The following COBL variants were observed in gnomAD, a reference collection of about 807,000 sequenced individuals.
COBL encodes protein cordon-bleu.
COBL carries 51 observed loss-of-function variants against 98.8 expected under a neutral mutation model. That is an observed-to-expected ratio of 0.52 (90% CI 0.41 to 0.65). COBL has a LOEUF of 0.65. Ranked by LOEUF, COBL falls within the 30% of genes least tolerant of loss-of-function variation. The pLI is 0.00. For missense variants in COBL, 1,617 were observed against 1,617.5 expected (o/e 1.00, Z 0.01); for synonymous variants, 634 against 651.7 (o/e 0.97, Z 0.41).
At chr7:51,137,826 T>C (rs1703546441) in intron 5 of COBL, among the ~76,000 whole-genome samples, 1 of 152,222 alleles carries the variant, frequency 6.6e-6, no homozygotes, top group Non-Finnish European at 1.5e-5. Flanking sequence ...GATGACCCTC[T>C]GGGTCACTAT....
chr7:51,040,679 T>C (rs559672732), intron 8 of COBL, among the ~76,000 whole-genome samples: 5 of 152,322 alleles, frequency 3.3e-5, no homozygotes, highest in Admixed American at 1.3e-4. Context: ...GATTCCATTG[T>C]AGGTCTATCA....
At chr7:51,160,407 T>C (rs1786674548) in intron 5 of COBL, among the ~76,000 whole-genome samples, 1 of 152,196 alleles carries the variant, frequency 6.6e-6, no homozygotes, top group Non-Finnish European at 1.5e-5. Flanking sequence ...CATAAAGTTG[T>C]CATATCCTTT....
intron 6 of COBL, among the ~76,000 whole-genome samples, chr7:51,133,757 G>A (rs1447758648): frequency 6.6e-6 from 1 of 152,126 alleles, no homozygotes; most frequent in Non-Finnish European, 1.5e-5. Context: ...TAACACCTCT[G>A]GGAAAACCTC....
chr7:51,142,973 G>T (rs1350609607), intron 5 of COBL, among the ~76,000 whole-genome samples: 1 of 152,156 alleles, frequency 6.6e-6, no homozygotes, highest in Non-Finnish European at 1.5e-5. Context: ...GCCAAGCCAG[G>T]GGGAGGGAGA....
intron 1 of COBL, among the ~76,000 whole-genome samples, chr7:51,274,053 T>C (rs1189599668): frequency 1.3e-5 from 2 of 152,062 alleles, no homozygotes; most frequent in Non-Finnish European, 2.9e-5. Flanking sequence ...CATCGTAGCC[T>C]CGAATACCAC....
intron 8 of COBL, chr7:51,032,669 T>C (rs904049698): frequency 6.6e-6 from 1 of 152,216 alleles, no homozygotes; most frequent in African/African-American, 2.4e-5. Context: ...GTTGGAGATG[T>C]GTGTGCATGT....
chr7:51,293,932 T>C (rs986715185), intron 1 of COBL, among the ~76,000 whole-genome samples: 1 of 152,078 alleles, frequency 6.6e-6, no homozygotes, highest in African/African-American at 2.4e-5. Context: ...TCATGCACAG[T>C]GCTCCCAGTA....
At chr7:51,228,682 A>G (rs969296255) in intron 1 of COBL, among the ~76,000 whole-genome samples, 44 of 152,280 alleles carry the variant, frequency 2.9e-4, no homozygotes, top group African/African-American at 1.1e-3. Context: ...ATATGGGAAC[A>G]CTGATATCTC....
chr7:51,233,446 T>C (rs1254725122), intron 1 of COBL, among the ~76,000 whole-genome samples: 1 of 152,188 alleles, frequency 6.6e-6, no homozygotes, highest in Non-Finnish European at 1.5e-5. Flanking sequence ...GGAGCAGAGC[T>C]GTATTGAGTT....
rs530995122 is a variant in COBL at position 51,237,989 on chromosome 7, CT to C, written c.42-18046del. 2.1e-4 allele frequency among the ~76,000 whole-genome samples: 32 copies of C among 152,300 alleles called. No individual in the cohort carries two copies. In the South Asian group the frequency reaches 6.2e-3, roughly 30 times the overall value. ...CCTCACAACCTGCCAGGGCTACACC[CT>C]CCAGGGCATGCCCCTCAGGTACCAA... On this transcript the variant is annotated intron_variant, in intron 1 of 12. Coordinates refer to ENST00000265136, the MANE Select transcript of COBL (RefSeq NM_015198.5).
chr7:51,041,492 T>TTTTC (rs1281604509), intron 8 of COBL, among the ~76,000 whole-genome samples: 1 of 137,158 alleles, frequency 7.3e-6, no homozygotes, highest in African/African-American at 2.8e-5. Context: ...TTTTTTTTTT[T>TTTTC]TTTTTTTTTG....
chr7:51,124,881 C>T (rs995838296), intron 6 of COBL, among the ~76,000 whole-genome samples: 3 of 152,022 alleles, frequency 2.0e-5, no homozygotes, highest in Non-Finnish European at 4.4e-5. Flanking sequence ...AGTGCAGCGG[C>T]GTGACCTCAG....
intron 5 of COBL, among the ~76,000 whole-genome samples, chr7:51,164,647 G>A (rs1787119063): frequency 6.6e-6 from 1 of 152,052 alleles, no homozygotes; most frequent in African/African-American, 2.4e-5. Context: ...AGACATTAAT[G>A]AGCAATAAGT....
intron 2 of COBL, among the ~76,000 whole-genome samples, chr7:51,212,055 C>A (rs775673853): frequency 3.7e-4 from 56 of 152,300 alleles, no homozygotes; most frequent in Non-Finnish European, 6.5e-4. Context: ...TCCGCGACAT[C>A]ATTTTTACCT....
At chr7:51,256,966 A>G (rs1043396260) in intron 1 of COBL, among the ~76,000 whole-genome samples, 5 of 152,238 alleles carry the variant, frequency 3.3e-5, no homozygotes, top group African/African-American at 1.2e-4. Flanking sequence ...TATAAAATAT[A>G]CACGAGACTT....
chr7:51,312,398 C>G (rs115747347), intron 1 of COBL, among the ~76,000 whole-genome samples: 13 of 152,194 alleles, frequency 8.5e-5, no homozygotes, highest in African/African-American at 3.1e-4. Flanking sequence ...TAAATCAGAA[C>G]CAAGTGTTAG....
intron 11 of COBL, among the ~76,000 whole-genome samples, chr7:51,026,163 G>A (rs762662890): frequency 5.9e-5 from 9 of 152,154 alleles, no homozygotes; most frequent in South Asian, 4.1e-4. Flanking sequence ...AAAAACCAGC[G>A]CTATATTCAT....
intron 12 of COBL, among the ~76,000 whole-genome samples, chr7:51,023,678 G>A (rs1263608773): frequency 1.3e-5 from 2 of 152,236 alleles, no homozygotes; most frequent in African/African-American, 4.8e-5. Flanking sequence ...GGCCGGGTGT[G>A]GGGCCTCCTC....
intron 7 of COBL, chr7:51,073,394 G>A: frequency 4.4e-6 from 3 of 675,438 alleles, no homozygotes; most frequent in Non-Finnish European, 8.1e-6. Context: ...AACTGCGGGG[G>A]GAAAATAAAT....
Sources: allele counts gnomAD v4.1 joint callset (sites outside exome capture counted in the v4.1 genomes callset), GRCh38; gene constraint gnomAD v4.1.1; transcripts MANE v1.5; gene names NCBI Gene and HGNC (gene_info 2026-07-23, HGNC 2026-07-21).